Variants in ADK observed in about 807,000 individuals in gnomAD.
ADK encodes the protein N6,N6-dimethyladenosine kinase.
Under a neutral mutation model 44.7 loss-of-function variants are expected in ADK, and 24 were observed. The ratio of observed to expected loss-of-function variants is 0.54; its 90% confidence interval spans 0.39 to 0.76. The LOEUF is 0.76. Ranked by LOEUF, ADK falls within the 30% of genes least tolerant of loss-of-function variation. ADK has a pLI of 0.00. For synonymous variants in ADK, 128 were observed against 142.6 expected, an observed-to-expected ratio of 0.90 and a Z score of 0.73; for missense variants, 321 against 425.1, an observed-to-expected ratio of 0.76 and a Z score of 2.15.
chr10:74,663,909 TGAAAA>T (rs1341919070), intron 9 of ADK, among the ~76,000 whole-genome samples: 1 of 152,190 alleles, frequency 6.6e-6, no homozygotes, highest in Non-Finnish European at 1.5e-5. Context: ...TGTGTCCTAG[TGAAAA>T]GAAAAGCATT....
chr10:74,211,337 C>T (rs11814484), intron 2 of ADK, among the ~76,000 whole-genome samples: 4,859 of 151,994 alleles, frequency 0.032, 275 homozygotes, highest in African/African-American at 0.11. Context: ...AGATCTTTAC[C>T]AACAAATTTT....
At chr10:74,506,656 A>G (rs924814650) in intron 6 of ADK, 2 of 152,388 alleles carry the variant, frequency 1.3e-5, no homozygotes, top group African/African-American at 2.4e-5. Flanking sequence ...ACTGCAGTTC[A>G]TTTTATGCAG....
intron 6 of ADK, among the ~76,000 whole-genome samples, chr10:74,451,548 A>G (rs953554966): frequency 2.6e-5 from 4 of 152,110 alleles, no homozygotes; most frequent in Non-Finnish European, 5.9e-5. Context: ...AATGAAACCT[A>G]TCTTTCTGAA....
intron 6 of ADK, among the ~76,000 whole-genome samples, chr10:74,421,783 A>T (rs1402335356): frequency 1.3e-5 from 2 of 152,222 alleles, no homozygotes; most frequent in Non-Finnish European, 2.9e-5. Context: ...CAAAAGGGAC[A>T]CATGAGCCAA....
intron 6 of ADK, among the ~76,000 whole-genome samples, chr10:74,469,338 C>T (rs1316427369): frequency 6.6e-6 from 1 of 152,098 alleles, no homozygotes; most frequent in African/African-American, 2.4e-5. Flanking sequence ...GCCCTTGTCT[C>T]AAAAGAAAAA....
chr10:74,629,861 C>T (rs768907708), intron 9 of ADK, among the ~76,000 whole-genome samples: 4 of 151,878 alleles, frequency 2.6e-5, no homozygotes, highest in Admixed American at 6.6e-5. Flanking sequence ...CTTAGAAATT[C>T]GAGAAAAATT....
intron 2 of ADK, among the ~76,000 whole-genome samples, chr10:74,216,363 T>TG (rs1353730602): frequency 6.6e-6 from 1 of 152,034 alleles, no homozygotes; most frequent in African/African-American, 2.4e-5. Flanking sequence ...ATTAAAAAAA[T>TG]TTTTTTTCTC....
At chr10:74,217,226 C>A (rs571154831) in intron 2 of ADK, among the ~76,000 whole-genome samples, 14 of 152,362 alleles carry the variant, frequency 9.2e-5, no homozygotes, top group East Asian at 1.9e-4. Context: ...TATCCTGCAC[C>A]TGGCTCGGAG....
intron 7 of ADK, among the ~76,000 whole-genome samples, chr10:74,588,834 A>T (rs1851617085): frequency 6.6e-6 from 1 of 152,184 alleles, no homozygotes; most frequent in Admixed American, 6.5e-5. Context: ...TCTACTGAGG[A>T]TCCTTGCCTG....
Position 74,155,638 on chromosome 10 carries a change from T to TC in ADK, c.65+4297dup, listed in dbSNP as rs572340982. ...TCCGCTTCCCGGGTTCATGCCATTC[T>TC]CCTGCCTCAGCCTCTGAGTAGCTGG... On this transcript the variant is annotated intron_variant, in intron 1 of 10. Transcript: ENST00000539909. Among the ~76,000 whole-genome samples, 13 of 152,120 alleles carry TC rather than the reference T, an allele frequency of 8.5e-5. No homozygotes were observed. In the South Asian group the frequency reaches 2.1e-3, roughly 24 times the overall value.
chr10:74,234,392 T>C (rs958991435), intron 3 of ADK, among the ~76,000 whole-genome samples: 1 of 152,246 alleles, frequency 6.6e-6, no homozygotes, highest in Non-Finnish European at 1.5e-5. Context: ...ACTTGGTTTA[T>C]ATAAGAAAAG....
chr10:74,446,660 A>T (rs1845598068), intron 6 of ADK, among the ~76,000 whole-genome samples: 1 of 152,176 alleles, frequency 6.6e-6, no homozygotes, highest in South Asian at 2.1e-4. Flanking sequence ...ATTCCCATGT[A>T]CATACAGTGA....
At chr10:74,630,176 CCA>C (rs1222858422) in intron 9 of ADK, among the ~76,000 whole-genome samples, 1 of 151,786 alleles carries the variant, frequency 6.6e-6, no homozygotes, top group Non-Finnish European at 1.5e-5. Context: ...TTTTATATAA[CCA>C]GAGTACATAT....
intron 7 of ADK, among the ~76,000 whole-genome samples, chr10:74,583,435 C>G (rs73276221): frequency 1.3e-5 from 2 of 152,076 alleles, no homozygotes; most frequent in Non-Finnish European, 2.9e-5. Context: ...TAATATCTCC[C>G]GGTTAATCTG....
chr10:74,605,876 C>CT (rs993770003), intron 9 of ADK, among the ~76,000 whole-genome samples: 31 of 152,088 alleles, frequency 2.0e-4, no homozygotes, highest in African/African-American at 7.2e-4. Context: ...TGCTCCTGGG[C>CT]TTTTTTTGGT....
At chr10:74,239,224 T>G (rs918310164) in intron 3 of ADK, among the ~76,000 whole-genome samples, 2 of 152,112 alleles carry the variant, frequency 1.3e-5, no homozygotes, top group Non-Finnish European at 1.5e-5. Flanking sequence ...TTAGATTCAG[T>G]TATAATCGAA....
chr10:74,494,343 T>C (rs980268028), intron 6 of ADK, among the ~76,000 whole-genome samples: 2 of 152,164 alleles, frequency 1.3e-5, no homozygotes, highest in African/African-American at 4.8e-5. Context: ...TGTCCTCTCC[T>C]CCTCTCCAGT....
At chr10:74,466,819 A>G (rs1274432208) in intron 6 of ADK, among the ~76,000 whole-genome samples, 1 of 152,146 alleles carries the variant, frequency 6.6e-6, no homozygotes, top group Non-Finnish European at 1.5e-5. Context: ...ATTAGCTGAA[A>G]TGTCATGTCT....
intron 9 of ADK, among the ~76,000 whole-genome samples, chr10:74,653,184 G>T (rs1361082643): frequency 6.6e-6 from 1 of 152,110 alleles, no homozygotes; most frequent in East Asian, 1.9e-4. Context: ...GAGTGCGGTG[G>T]CTCAGGCCTG....
Sources: gnomAD v4.1 joint callset for allele counts (sites outside exome capture counted in the v4.1 genomes callset) on GRCh38, gnomAD v4.1.1 for gene constraint, MANE v1.5 for transcripts, NCBI Gene and HGNC (gene_info 2026-07-23, HGNC 2026-07-21) for gene names.